CYP2C19: variants seen among roughly 807,000 people sequenced by gnomAD.
CYP2C19 encodes cytochrome P450 family 2 subfamily C member 19, also known as cytochrome P450 2C19.
A neutral mutation model predicts 40.9 loss-of-function variants in CYP2C19; 59 were observed. That is an observed-to-expected ratio of 1.44 (90% CI 1.17 to 1.79). The LOEUF (loss-of-function observed/expected upper bound fraction) is 1.79. Among genes scored for constraint, CYP2C19 ranks in the 40% most tolerant of loss-of-function variants. The probability of loss-of-function intolerance (pLI) is 0.00; values close to 1 mark genes in which losing one functional copy is unlikely to be tolerated. For synonymous variants in CYP2C19, 253 were observed against 208.7 expected (o/e 1.21, Z -1.83); for missense variants, 754 against 596.9 (o/e 1.26, Z -2.74).
intron 1 of CYP2C19, among the ~76,000 whole-genome samples, chr10:94,771,686 T>C (rs981417939): frequency 1.3e-5 from 2 of 152,144 alleles, no homozygotes; most frequent in Non-Finnish European, 2.9e-5. Flanking sequence ...TCCATGGTTT[T>C]GGTTTGTTTG....
intron 3 of CYP2C19, among the ~76,000 whole-genome samples, chr10:94,778,633 G>A (rs765232601): frequency 2.2e-4 from 34 of 152,184 alleles, no homozygotes; most frequent in Admixed American, 2.2e-3. Flanking sequence ...TGGTGAGAAT[G>A]TGGAGAAATA....
At chr10:94,782,252 G>GA (rs1005460546) in intron 5 of CYP2C19, among the ~76,000 whole-genome samples, 2 of 152,066 alleles carry the variant, frequency 1.3e-5, no homozygotes, top group African/African-American at 4.8e-5. Context: ...GTCAGGATAG[G>GA]AAAAGCTCTG....
chr10:94,808,242 G>A (rs1848862615), intron 5 of CYP2C19, among the ~76,000 whole-genome samples: 2 of 151,922 alleles, frequency 1.3e-5, no homozygotes, highest in African/African-American at 4.8e-5. Flanking sequence ...TTTTAGGCCA[G>A]TATAATGTTA....
chr10:94,847,401 A>G (rs371626822), intron 7 of CYP2C19, among the ~76,000 whole-genome samples: 1 of 152,196 alleles, frequency 6.6e-6, no homozygotes, highest in Non-Finnish European at 1.5e-5. Context: ...TACAAAGGAC[A>G]TGAACTCATC....
At chr10:94,823,548 T>C (rs1007758510) in intron 6 of CYP2C19, among the ~76,000 whole-genome samples, 1 of 152,162 alleles carries the variant, frequency 6.6e-6, no homozygotes, top group Non-Finnish European at 1.5e-5. Flanking sequence ...TTATCTTCAA[T>C]GTCTAACAGA....
At chr10:94,834,215 G>A (rs888275567) in intron 6 of CYP2C19, among the ~76,000 whole-genome samples, 2 of 151,950 alleles carry the variant, frequency 1.3e-5, no homozygotes, top group Non-Finnish European at 2.9e-5. Context: ...ATTTCTTCCT[G>A]GTTCAATCTC....
rs1431561627 is a variant in CYP2C19, at chr10:94,853,207, T to A, written c.*293T>A. The A allele has an allele frequency of 5.6e-5, 22 of 395,912 alleles. No individual in the cohort carries two copies. The highest frequency in any genetic ancestry group is 8.1e-5 in the Non-Finnish European group (18 of 222,750). 24.5% of individuals were successfully genotyped at this position (395,912 alleles called of 1,614,324 possible). A position where few individuals can be genotyped will look rare whatever the true frequency, so the allele number is the denominator to read the frequency against. ...AGAAAGATGATTTGTGTATTATAATTCAAAGGCATTTCTTCTCTGCATGTT... is the reference window on the plus strand; with the variant it reads ...AGAAAGATGATTTGTGTATTATAATACAAAGGCATTTCTTCTCTGCATGTT... On this transcript the variant is annotated 3_prime_UTR_variant, in exon 9 of 9. Transcript: ENST00000371321.
At chr10:94,797,343 A>C (rs909430150) in intron 5 of CYP2C19, among the ~76,000 whole-genome samples, 4 of 152,070 alleles carry the variant, frequency 2.6e-5, no homozygotes, top group Admixed American at 6.5e-5. Flanking sequence ...GGATGAAGCC[A>C]ACTTGATTGT....
At chr10:94,780,762 C>A in intron 4 of CYP2C19, 103 bp downstream of exon 4, 1 of 1,303,650 alleles carries the variant, frequency 7.7e-7, no homozygotes, top group Non-Finnish European at 1.1e-6. Flanking sequence ...TTTTTGAATA[C>A]TACAGTCTTG....
rs537661553 is a variant in CYP2C19 at position 94,839,249 on chromosome 10, A to T, written c.962-3588A>T. 4.0e-5 allele frequency among the ~76,000 whole-genome samples: 6 copies of T among 150,524 alleles called. No homozygotes were observed. The South Asian group carries it at 1.3e-3, about 32-fold the overall frequency. On this transcript the variant is annotated intron_variant, in intron 6 of 8. Coordinates refer to ENST00000371321, the MANE Select transcript of CYP2C19 (RefSeq NM_000769.4). Reference sequence around the variant, plus strand: ...CAAAGAAAGGGGCCCTGGCTGCTGGATTCTAGTGGTCCTTTACCAGCTTGC... The same window carrying T: ...CAAAGAAAGGGGCCCTGGCTGCTGGTTTCTAGTGGTCCTTTACCAGCTTGC...
At chr10:94,770,869 C>G (rs1243089863) in intron 1 of CYP2C19, among the ~76,000 whole-genome samples, 1 of 152,150 alleles carries the variant, frequency 6.6e-6, no homozygotes, top group Non-Finnish European at 1.5e-5. Context: ...GGGATCCATA[C>G]TGGGGATGGC....
chr10:94,806,224 T>A (rs1477127875), intron 5 of CYP2C19, among the ~76,000 whole-genome samples: 1 of 152,204 alleles, frequency 6.6e-6, no homozygotes, highest in Non-Finnish European at 1.5e-5. Flanking sequence ...TGTTTTCGCA[T>A]GTGTCAGATT....
At chr10:94,817,259 A>C (rs1028806139) in intron 5 of CYP2C19, among the ~76,000 whole-genome samples, 4 of 149,294 alleles carry the variant, frequency 2.7e-5, no homozygotes, top group Non-Finnish European at 5.9e-5. Flanking sequence ...TGACTTTTTA[A>C]TGATTGCCAT....
At chr10:94,810,398 A>G (rs1355961946) in intron 5 of CYP2C19, among the ~76,000 whole-genome samples, 1 of 152,074 alleles carries the variant, frequency 6.6e-6, no homozygotes. Context: ...TTCTTCCCTT[A>G]TAAAATGAGT....
intron 3 of CYP2C19, among the ~76,000 whole-genome samples, 195 bp from the exon 4 acceptor site, chr10:94,780,304 G>C (rs1848463227): frequency 6.6e-6 from 1 of 152,076 alleles, no homozygotes; most frequent in Non-Finnish European, 1.5e-5. Flanking sequence ...AACCAGCTAG[G>C]CTGTAATTGT....
rs906250113 is a variant in CYP2C19 at position 94,854,612 on chromosome 10, T to C, written c.*1698T>C. 6.6e-6 allele frequency among the ~76,000 whole-genome samples: 1 copy of C among 152,016 alleles called. No individual in the cohort carries two copies. Among genetic ancestry groups the C allele is most frequent in the African/African-American group, 2.4e-5 (1 of 41,416 alleles). Reference sequence around the variant, plus strand: ...ATTTGGAATACATTTAAAGATAATATATGGGTACAGATGTACATGTACATC... The same window carrying C: ...ATTTGGAATACATTTAAAGATAATACATGGGTACAGATGTACATGTACATC... On this transcript the variant is annotated 3_prime_UTR_variant, in exon 9 of 9. Coordinates refer to ENST00000371321, the MANE Select transcript of CYP2C19 (RefSeq NM_000769.4).
intron 8 of CYP2C19, among the ~76,000 whole-genome samples, chr10:94,851,250 G>A (rs1461842974): frequency 6.8e-6 from 1 of 147,374 alleles, no homozygotes; most frequent in South Asian, 2.1e-4. Context: ...AGGAGAGAGA[G>A]AGCAAAGAGG....
In CYP2C19 at chr10:94,830,175, G is replaced by C. The variant is rs536887338; in HGVS notation, c.961+9538G>C. Among the ~76,000 whole-genome samples the C allele has an allele frequency of 2.6e-5, 4 of 152,328 alleles. No homozygotes were observed. The South Asian group carries it at 8.3e-4, about 32-fold the overall frequency. Reference sequence around the variant, plus strand: ...AGGCAGGCCTCCTTGAGCTGTGGTGGGCTCCACCCAGTTCCAGCTTCCTGG... The same window carrying C: ...AGGCAGGCCTCCTTGAGCTGTGGTGCGCTCCACCCAGTTCCAGCTTCCTGG... On this transcript the variant is annotated intron_variant, in intron 6 of 8. Coordinates refer to ENST00000371321, the MANE Select transcript of CYP2C19 (RefSeq NM_000769.4).
At chr10:94,813,601 C>G (rs1848958161) in intron 5 of CYP2C19, among the ~76,000 whole-genome samples, 1 of 151,946 alleles carries the variant, frequency 6.6e-6, no homozygotes, top group South Asian at 2.1e-4. Context: ...ACCACCTACT[C>G]AAGCCTCAAC....
Sources: gnomAD v4.1 joint callset for allele counts (sites outside exome capture counted in the v4.1 genomes callset) on GRCh38, gnomAD v4.1.1 for gene constraint, MANE v1.5 for transcripts, NCBI Gene and HGNC (gene_info 2026-07-23, HGNC 2026-07-21) for gene names.